Variants in C2CD3 observed in about 807,000 individuals in gnomAD.
The protein encoded by C2CD3 is C2 domain-containing protein 3.
C2CD3 carries 148 observed loss-of-function variants against 234.0 expected under a neutral mutation model. That is an observed-to-expected ratio of 0.63 (90% CI 0.55 to 0.72). C2CD3 has a LOEUF of 0.72. Among genes scored for constraint, C2CD3 ranks in the 30% least tolerant of loss-of-function variants. The probability of loss-of-function intolerance (pLI) is 0.00; values close to 1 mark genes in which losing one functional copy is unlikely to be tolerated. For synonymous variants in C2CD3, 1,000 were observed against 1,035.4 expected (o/e 0.97, Z 0.66); for missense variants, 2,577 against 2,811.5 (o/e 0.92, Z 1.89).
At chr11:74,072,059 C>T (rs1024541043) in intron 24 of C2CD3, among the ~76,000 whole-genome samples, 1 of 151,818 alleles carries the variant, frequency 6.6e-6, no homozygotes, top group African/African-American at 2.4e-5. Context: ...CTTTTTAATA[C>T]TTTCCTTAAA....
intron 1 of C2CD3, among the ~76,000 whole-genome samples, chr11:74,170,440 C>A (rs1857101823): frequency 1.3e-5 from 2 of 152,220 alleles, no homozygotes; most frequent in African/African-American, 4.8e-5. Context: ...TACACACACA[C>A]ATACATTTCA....
intron 24 of C2CD3, among the ~76,000 whole-genome samples, chr11:74,058,192 T>A (rs1205453627): frequency 6.6e-6 from 1 of 152,146 alleles, no homozygotes; most frequent in Non-Finnish European, 1.5e-5. Flanking sequence ...ATACATGCAA[T>A]GTGATTTTGG....
chr11:74,026,962 C>CA (rs34906978), intron 32 of C2CD3, among the ~76,000 whole-genome samples: 57,362 of 105,096 alleles, frequency 0.55, 13,835 homozygotes, highest in African/African-American at 0.57. Flanking sequence ...GAATAAGCCT[C>CA]AAAAAAAAAA....
intron 22 of C2CD3, among the ~76,000 whole-genome samples, chr11:74,079,158 G>C (rs1955213738): frequency 6.6e-6 from 1 of 152,226 alleles, no homozygotes; most frequent in Non-Finnish European, 1.5e-5. Flanking sequence ...GGGGTCAAAA[G>C]AGATCTGGGG....
At chr11:74,066,604 T>C (rs983501332) in intron 24 of C2CD3, among the ~76,000 whole-genome samples, 1 of 152,092 alleles carries the variant, frequency 6.6e-6, no homozygotes, top group African/African-American at 2.4e-5. Context: ...TAGCTACAGC[T>C]TTGCTTTGAT....
chr11:74,098,472 T>C (rs182353693), intron 15 of C2CD3, among the ~76,000 whole-genome samples: 4 of 152,348 alleles, frequency 2.6e-5, no homozygotes, highest in Admixed American at 6.5e-5. Flanking sequence ...GCAAGGAATG[T>C]GTCTGATATG....
chr11:74,031,258 G>T (rs1312884955), intron 31 of C2CD3, among the ~76,000 whole-genome samples: 1 of 152,218 alleles, frequency 6.6e-6, no homozygotes, highest in African/African-American at 2.4e-5. Flanking sequence ...GGAAAGTGAA[G>T]TTTCTTTGCT....
At chr11:74,083,886 G>A (rs554115548) in intron 22 of C2CD3, among the ~76,000 whole-genome samples, 101 of 152,242 alleles carry the variant, frequency 6.6e-4, no homozygotes, top group Middle Eastern at 3.4e-3. Context: ...ACAGTGTGGC[G>A]ATTCCTCAAG....
chr11:74,067,766 TG>T (rs1954610525), intron 24 of C2CD3, among the ~76,000 whole-genome samples: 1 of 152,204 alleles, frequency 6.6e-6, no homozygotes, highest in East Asian at 1.9e-4. Flanking sequence ...TTTATTGCAT[TG>T]TACTCCTTTA....
intron 28 of C2CD3, among the ~76,000 whole-genome samples, chr11:74,046,387 A>G (rs1953374633): frequency 6.6e-6 from 1 of 152,190 alleles, no homozygotes. Flanking sequence ...TCTGTCACTC[A>G]GGCTGAAGTG....
At chr11:74,129,589 G>C (rs1212556713) in intron 7 of C2CD3, 3 of 178,870 alleles carry the variant, frequency 1.7e-5, no homozygotes, top group Non-Finnish European at 3.4e-5. Context: ...TCACTTTCCA[G>C]ACTGGGCAGC....
At chr11:74,054,565 A>AT in intron 26 of C2CD3, 42 bp downstream of exon 26, 1 of 992,018 alleles carries the variant, frequency 1.0e-6, no homozygotes, top group Non-Finnish European at 1.5e-6. Context: ...ATGTGAGCTT[A>AT]TTTTTACAAG....
At chr11:74,163,465 T>C (rs1183505287) in intron 2 of C2CD3, among the ~76,000 whole-genome samples, 1 of 152,174 alleles carries the variant, frequency 6.6e-6, no homozygotes, top group Non-Finnish European at 1.5e-5. Context: ...ATAATCCCCA[T>C]GTGTCATGGG....
intron 9 of C2CD3, among the ~76,000 whole-genome samples, chr11:74,117,074 G>C (rs543129006): frequency 8.2e-5 from 4 of 48,922 alleles, no homozygotes; most frequent in African/African-American, 5.4e-4. Context: ...ATATATATAT[G>C]AATATATATA....
chr11:74,014,519 G>A (rs1057300794), intron 32 of C2CD3, among the ~76,000 whole-genome samples: 1 of 151,988 alleles, frequency 6.6e-6, no homozygotes, highest in East Asian at 1.9e-4. Flanking sequence ...GAGAAACTGA[G>A]GCCCAGCGAG....
At chr11:74,112,225 T>A (rs575731841) in intron 11 of C2CD3, among the ~76,000 whole-genome samples, 1 of 152,256 alleles carries the variant, frequency 6.6e-6, no homozygotes, top group East Asian at 1.9e-4. Context: ...TCAAACTACT[T>A]CCCAGAGAAT....
At position 74,033,508 on chromosome 11, in the gene C2CD3, G is replaced by A. The variant is rs1456729944; in HGVS notation, c.6652C>T (p.Leu2218Phe). The A allele has an allele frequency of 1.3e-6, 2 of 1,536,228 alleles. No homozygotes were observed. The highest frequency in any genetic ancestry group is 1.2e-5 in the South Asian group (1 of 84,062). Residue 2218 changes from leucine to phenylalanine, a missense_variant, in exon 31 of 33, where the codon CTC (leucine) becomes TTC (phenylalanine). Leu to Phe is a conservative substitution (Grantham distance 22, BLOSUM62 0). Transcript: ENST00000334126. ...TTGAAGCTATCAGCAGAGTCACCGA[G>A]CTCACTGGTGGCAGCTTCATTCTCA... ...PAENEAATSE[L>F]GDSADSFKKL...
chr11:74,031,983 C>T (rs1952538943), intron 31 of C2CD3, among the ~76,000 whole-genome samples: 2 of 152,222 alleles, frequency 1.3e-5, no homozygotes, highest in Non-Finnish European at 1.5e-5. Flanking sequence ...CATCAAGAAT[C>T]ATACTGTGTG....
intron 26 of C2CD3, among the ~76,000 whole-genome samples, chr11:74,051,479 A>G (rs901920113): frequency 1.1e-4 from 17 of 152,230 alleles, no homozygotes; most frequent in African/African-American, 4.1e-4. Flanking sequence ...TGCTTTGGCT[A>G]AGCAGATCAC....
Sources: allele counts gnomAD v4.1 joint callset (sites outside exome capture counted in the v4.1 genomes callset), GRCh38; gene constraint gnomAD v4.1.1; transcripts MANE v1.5; gene names NCBI Gene and HGNC (gene_info 2026-07-23, HGNC 2026-07-21).